The following NAV3 variants were observed in gnomAD, a reference collection of about 807,000 sequenced individuals.
NAV3 encodes pore membrane and/or filament interacting like protein 1.
A neutral mutation model predicts 244.7 loss-of-function variants in NAV3; 87 were observed. The ratio of observed to expected loss-of-function variants is 0.36; its 90% CI spans 0.30 to 0.42. The LOEUF (loss-of-function observed/expected upper bound fraction) is 0.42, where lower values mean the gene tolerates loss of function less well. Among genes scored for constraint, NAV3 ranks in the 20% least tolerant of loss-of-function variants. The pLI is 1.00. For synonymous variants in NAV3, 1,126 were observed against 1,042.2 expected (o/e 1.08, Z -1.55); for missense variants, 2,663 against 2,893.3 (o/e 0.92, Z 1.83).
chr12:77,739,292 T>G (rs1021446053), intron 2 of NAV3, among the ~76,000 whole-genome samples: 7 of 152,180 alleles, frequency 4.6e-5, no homozygotes, highest in Admixed American at 3.9e-4. Flanking sequence ...ACTGCAACAT[T>G]AGTTTGACAA....
intron 2 of NAV3, among the ~76,000 whole-genome samples, chr12:77,642,085 C>T (rs190374951): frequency 1.5e-4 from 23 of 152,110 alleles, no homozygotes; most frequent in African/African-American, 4.3e-4. Flanking sequence ...AGAGGAATGA[C>T]CAAATATCCT....
At chr12:77,616,205 G>A (rs758420277) in intron 2 of NAV3, among the ~76,000 whole-genome samples, 2 of 151,986 alleles carry the variant, frequency 1.3e-5, no homozygotes, top group Admixed American at 6.6e-5. Context: ...TCAGGAGTTC[G>A]AGACTAGACT....
chr12:77,864,681 A>G (rs10777523), intron 1 of NAV3, among the ~76,000 whole-genome samples: 31,745 of 151,798 alleles, frequency 0.21, 4,723 homozygotes, highest in African/African-American at 0.42. Context: ...CTGTCCATCT[A>G]CCATGCATCA....
intron 2 of NAV3, among the ~76,000 whole-genome samples, chr12:77,603,145 T>C (rs909952264): frequency 2.0e-5 from 3 of 152,038 alleles, no homozygotes; most frequent in Non-Finnish European, 4.4e-5. Context: ...CTTTCAAGGA[T>C]GGAGACTTTA....
At chr12:77,621,515 C>T (rs1871371248) in intron 2 of NAV3, among the ~76,000 whole-genome samples, 2 of 142,410 alleles carry the variant, frequency 1.4e-5, no homozygotes, top group Admixed American at 7.2e-5. Flanking sequence ...GAGTCTCACT[C>T]TGTTGCCCAG....
At chr12:77,818,008 C>T (rs1872585800) in intron 2 of NAV3, among the ~76,000 whole-genome samples, 1 of 151,934 alleles carries the variant, frequency 6.6e-6, no homozygotes. Context: ...ATACAATAAG[C>T]CAATAAAGTA....
chr12:77,760,050 A>G (rs1352330180), intron 2 of NAV3, among the ~76,000 whole-genome samples: 1 of 152,216 alleles, frequency 6.6e-6, no homozygotes, highest in African/African-American at 2.4e-5. Context: ...TGATTTGACT[A>G]TTCGAGACTT....
At chr12:77,582,110 C>T (rs2136680339) in intron 2 of NAV3, among the ~76,000 whole-genome samples, 1 of 152,318 alleles carries the variant, frequency 6.6e-6, no homozygotes, top group Admixed American at 6.5e-5. Context: ...CACCAGGTTG[C>T]ATCTTTTTAT....
At chr12:78,032,341 A>G (rs891918167) in intron 9 of NAV3, among the ~76,000 whole-genome samples, 5 of 152,206 alleles carry the variant, frequency 3.3e-5, no homozygotes, top group Non-Finnish European at 5.9e-5. Flanking sequence ...CATTATAAAA[A>G]CATTGTCTTT....
At chr12:78,093,071 C>G (rs992489079) in intron 12 of NAV3, among the ~76,000 whole-genome samples, 3 of 152,090 alleles carry the variant, frequency 2.0e-5, no homozygotes, top group Non-Finnish European at 4.4e-5. Flanking sequence ...CTTTATAAGA[C>G]CTGTATGCAC....
At chr12:77,915,032 T>C (rs1886987414) in intron 1 of NAV3, among the ~76,000 whole-genome samples, 1 of 151,978 alleles carries the variant, frequency 6.6e-6, no homozygotes, top group Non-Finnish European at 1.5e-5. Context: ...ATCTTTTGGA[T>C]TCTAGTTGTC....
rs540245654 is a variant in NAV3, at chr12:77,682,710, G to T, written c.72+110444G>T. On this transcript the variant is annotated intron_variant, in intron 2 of 8. Coordinates refer to the NAV3 transcript ENST00000550042. Reference sequence around the variant, plus strand: ...TAATAGTCATTCTAATAGTAGTGAAGTGATACTTCACTGTGGTTTAGATTT... The same window carrying T: ...TAATAGTCATTCTAATAGTAGTGAATTGATACTTCACTGTGGTTTAGATTT... Among the ~76,000 whole-genome samples the T allele has an allele frequency of 1.6e-4, 24 of 152,204 alleles. No homozygotes were observed. In the South Asian group the frequency reaches 4.8e-3, roughly 30 times the overall value.
intron 16 of NAV3, among the ~76,000 whole-genome samples, chr12:78,124,407 T>C (rs1436711254): frequency 6.6e-5 from 10 of 151,508 alleles, no homozygotes; most frequent in African/African-American, 2.2e-4. Context: ...TTATTGTACA[T>C]GTTCAGTCTT....
At chr12:77,697,486 G>T (rs141412488) in intron 2 of NAV3, among the ~76,000 whole-genome samples, 57 of 152,280 alleles carry the variant, frequency 3.7e-4, no homozygotes, top group Admixed American at 8.5e-4. Context: ...AAATGAGTAT[G>T]TTAATGCGCT....
At chr12:77,885,181 G>A (rs1883135089) in intron 1 of NAV3, among the ~76,000 whole-genome samples, 1 of 152,020 alleles carries the variant, frequency 6.6e-6, no homozygotes, top group Non-Finnish European at 1.5e-5. Flanking sequence ...CAATTAAAAT[G>A]TTAAACTTTT....
chr12:77,765,877 A>G (rs1455763992), intron 2 of NAV3, among the ~76,000 whole-genome samples: 1 of 152,150 alleles, frequency 6.6e-6, no homozygotes, highest in Non-Finnish European at 1.5e-5. Context: ...CAAAAACAAG[A>G]AGAAAAAATA....
chr12:77,956,327 A>G (rs953977288), intron 3 of NAV3, among the ~76,000 whole-genome samples: 9 of 152,208 alleles, frequency 5.9e-5, no homozygotes, highest in Admixed American at 2.6e-4. Context: ...CACAAGTCAC[A>G]AAAGAATCTA....
intron 3 of NAV3, among the ~76,000 whole-genome samples, chr12:77,961,417 A>C (rs1477663767): frequency 7.1e-6 from 1 of 139,894 alleles, no homozygotes; most frequent in East Asian, 2.1e-4. Flanking sequence ...AATGTTTACT[A>C]TATTATGTAT....
chr12:77,870,153 C>T (rs770154), intron 1 of NAV3, among the ~76,000 whole-genome samples: 17,586 of 151,752 alleles, frequency 0.12, 1,244 homozygotes, highest in East Asian at 0.21. Flanking sequence ...GATCATGAGG[C>T]CAAGAGATCG....
Sources: gnomAD v4.1 joint callset for allele counts (sites outside exome capture counted in the v4.1 genomes callset) on GRCh38, gnomAD v4.1.1 for gene constraint, MANE v1.5 for transcripts, NCBI Gene and HGNC (gene_info 2026-07-23, HGNC 2026-07-21) for gene names.